The following AGO2 variants were observed in gnomAD, a reference collection of about 807,000 sequenced individuals.
AGO2 encodes protein argonaute-2.
A neutral mutation model predicts 102.3 loss-of-function variants in AGO2; 5 were observed. The ratio of observed to expected loss-of-function variants is 0.05; its 90% confidence interval spans 0.03 to 0.10. The LOEUF (loss-of-function observed/expected upper bound fraction) is 0.10, where lower values mean the gene tolerates loss of function less well. AGO2 is among the 10% of genes least tolerant of loss of function. The pLI is 1.00. For missense variants in AGO2, 541 were observed against 1,183.7 expected (o/e 0.46, Z 7.97); for synonymous variants, 449 against 473.1 (o/e 0.95, Z 0.66).
intron 1 of AGO2, among the ~76,000 whole-genome samples, chr8:140,586,414 A>G (rs2073656949): frequency 6.6e-6 from 1 of 152,138 alleles, no homozygotes; most frequent in Admixed American, 6.5e-5. Context: ...AACCGCTTGA[A>G]CGCGGAGGTT....
chr8:140,584,836 T>C (rs2073626354), intron 2 of AGO2, among the ~76,000 whole-genome samples: 1 of 152,126 alleles, frequency 6.6e-6, no homozygotes, highest in Non-Finnish European at 1.5e-5. Context: ...GGGTGATCAG[T>C]ATATACATTT....
rs771624316 is a variant in AGO2, at chr8:140,572,962, G to A, written c.216-30C>T. ...AACAAAGACAAAAGTCGGGCAAAAT[G>A]TCAATAAAATGGAGAAAATGGCATA... On this transcript the variant is annotated intron_variant, in intron 2 of 18. Transcript: ENST00000220592. 8 of 1,580,118 alleles carry A rather than the reference G, an allele frequency of 5.1e-6. No homozygotes were observed. The African/African-American group carries it at 5.5e-5, about 11-fold the overall frequency.
chr8:140,635,360 C>T (rs1588524865), intron 1 of AGO2, 125 bp downstream of exon 1: 1 of 611,650 alleles, frequency 1.6e-6, no homozygotes. Flanking sequence ...TCGCCCGCCC[C>T]CGGCCCCCGC....
chr8:140,605,068 T>C (rs1360236196), intron 1 of AGO2, among the ~76,000 whole-genome samples: 1 of 152,194 alleles, frequency 6.6e-6, no homozygotes, highest in Non-Finnish European at 1.5e-5. Flanking sequence ...CTTTCTTTCC[T>C]TTCATACATA....
At chr8:140,566,713 G>A (rs1449029778) in intron 3 of AGO2, among the ~76,000 whole-genome samples, 5 of 151,888 alleles carry the variant, frequency 3.3e-5, no homozygotes, top group Non-Finnish European at 5.9e-5. Flanking sequence ...GCAGAGGGGC[G>A]AGTGCCCCTG....
chr8:140,538,656 C>G (rs963004855), intron 16 of AGO2, among the ~76,000 whole-genome samples: 1 of 152,196 alleles, frequency 6.6e-6, no homozygotes, highest in African/African-American at 2.4e-5. Flanking sequence ...CGGGAGGGTC[C>G]GAGTTTGCAC....
chr8:140,631,039 GAAC>G (rs2074334715), intron 1 of AGO2, among the ~76,000 whole-genome samples: 1 of 152,110 alleles, frequency 6.6e-6, no homozygotes, highest in African/African-American at 2.4e-5. Context: ...GGGCAACAGA[GAAC>G]AACCCCAACC....
chr8:140,598,881 C>T (rs566678882), intron 1 of AGO2, among the ~76,000 whole-genome samples: 144 of 152,330 alleles, frequency 9.5e-4, no homozygotes, highest in African/African-American at 3.3e-3. Context: ...ACCGTGGGCT[C>T]GCACCACCAG....
At chr8:140,609,114 C>T (rs919583804) in intron 1 of AGO2, among the ~76,000 whole-genome samples, 3 of 152,258 alleles carry the variant, frequency 2.0e-5, no homozygotes, top group Non-Finnish European at 4.4e-5. Flanking sequence ...GGCCTCCCAG[C>T]CCTTCCCTGG....
Position 140,539,522 on chromosome 8 carries a change from C to A in AGO2, c.2035-68G>T. The A allele has an allele frequency of 1.9e-6, 3 of 1,539,906 alleles. No homozygotes were observed. Among genetic ancestry groups the A allele is most frequent in the Admixed American group, 1.9e-5 (1 of 53,166 alleles). On this transcript the variant is annotated intron_variant, in intron 15 of 18. Coordinates refer to ENST00000220592, the MANE Select transcript of AGO2 (RefSeq NM_012154.5). The surrounding 1 kb of genome is among the most constrained non-coding windows in gnomAD (Gnocchi z 4.7). ...TGCATGTGAGCAACGGTCCCACGTG[C>A]GGGTTCTGGGTTGAGAACACCCAGC...
At chr8:140,633,295 T>C (rs1164515905) in intron 1 of AGO2, among the ~76,000 whole-genome samples, 2 of 152,222 alleles carry the variant, frequency 1.3e-5, no homozygotes, top group Non-Finnish European at 2.9e-5. Context: ...AAAGCCTTAA[T>C]GTGTAGCATA....
intron 2 of AGO2, among the ~76,000 whole-genome samples, chr8:140,582,444 C>T (rs62529970): frequency 5.9e-5 from 9 of 152,066 alleles, no homozygotes; most frequent in East Asian, 1.9e-4. Flanking sequence ...GTAAGCGTAA[C>T]GGAAATATTC....
In AGO2 at chr8:140,545,786, C is replaced by T. The variant is rs1415796042; in HGVS notation, c.1749-1483G>A. ...AAAGTCTAGATGCTCCCACTCTGTG[C>T]CCCTGCCCTGGCGTGGCCGAGGCCA... On this transcript the variant is annotated intron_variant, in intron 13 of 18. Transcript: ENST00000220592. Among the ~76,000 whole-genome samples the T allele has an allele frequency of 4.6e-5, 7 of 152,344 alleles. 1 individual carries two copies. The highest frequency in any genetic ancestry group is 1.7e-4 in the African/African-American group (7 of 41,598).
At chr8:140,627,202 T>C (rs2074290049) in intron 1 of AGO2, among the ~76,000 whole-genome samples, 1 of 152,220 alleles carries the variant, frequency 6.6e-6, no homozygotes, top group Admixed American at 6.5e-5. Flanking sequence ...ATCCTTTCAC[T>C]ATCAAAGCCA....
chr8:140,625,478 C>T (rs1257577599), intron 1 of AGO2, among the ~76,000 whole-genome samples: 2 of 152,158 alleles, frequency 1.3e-5, no homozygotes, highest in African/African-American at 4.8e-5. Flanking sequence ...CAGCCCCTGA[C>T]CCTGCTCAAC....
chr8:140,550,535 C>T (rs2944765), intron 11 of AGO2, among the ~76,000 whole-genome samples: 2 of 151,982 alleles, frequency 1.3e-5, no homozygotes, highest in Non-Finnish European at 2.9e-5. Flanking sequence ...CCTGAACCAA[C>T]ACTTCTCTCC....
chr8:140,615,746 C>T (rs1474874704), intron 1 of AGO2, among the ~76,000 whole-genome samples: 1 of 152,232 alleles, frequency 6.6e-6, no homozygotes, highest in Non-Finnish European at 1.5e-5. Context: ...CCTGTGGCAG[C>T]TCTCCACGCG....
At chr8:140,580,003 G>GAGCCCACCTCCTCCTCGC (rs144359542) in intron 2 of AGO2, among the ~76,000 whole-genome samples, 47,571 of 151,896 alleles carry the variant, frequency 0.31, 7,744 homozygotes, top group African/African-American at 0.35. Flanking sequence ...GAAGGGAGAG[G>GAGCCCACCTCCTCCTCGC]AGCCCACCTC....
At position 140,544,192 on chromosome 8, in the gene AGO2, T is replaced by C. The variant is rs765491964; in HGVS notation, c.1839+21A>G. 1.9e-6 allele frequency: 3 copies of C among 1,567,068 alleles called. No homozygotes were observed. In the South Asian group the frequency reaches 3.6e-5, roughly 19 times the overall value. On this transcript the variant is annotated intron_variant, in intron 14 of 18. Transcript: ENST00000220592. ...CTGCATGTTGTCAATGGAAGACCCATGGGGAAGCGCTGACACTCACGGCGG... is the reference window on the plus strand; with the variant it reads ...CTGCATGTTGTCAATGGAAGACCCACGGGGAAGCGCTGACACTCACGGCGG...
Sources: gnomAD v4.1 joint callset for allele counts (sites outside exome capture counted in the v4.1 genomes callset) on GRCh38, gnomAD v4.1.1 for gene constraint, Gnocchi (gnomAD v3.1) non-coding constraint, MANE v1.5 for transcripts, NCBI Gene and HGNC (gene_info 2026-07-23, HGNC 2026-07-21) for gene names.